CDH10: variants seen among roughly 807,000 people sequenced by gnomAD.
CDH10 encodes cadherin-10.
CDH10 carries 30 observed loss-of-function variants against 73.1 expected under a neutral mutation model. The ratio of observed to expected loss-of-function variants is 0.41; its 90% CI spans 0.31 to 0.56. The LOEUF (loss-of-function observed/expected upper bound fraction) is 0.56, where lower values mean the gene tolerates loss of function less well. Among genes scored for constraint, CDH10 ranks in the 20% least tolerant of loss-of-function variants. CDH10 has a pLI of 0.27. For missense variants in CDH10, 815 were observed against 973.7 expected, an observed-to-expected ratio of 0.84 and a Z score of 2.17; for synonymous variants, 345 against 348.2, an observed-to-expected ratio of 0.99 and a Z score of 0.10.
chr5:24,560,714 G>A (rs1744929194), intron 2 of CDH10, among the ~76,000 whole-genome samples: 1 of 151,994 alleles, frequency 6.6e-6, no homozygotes. Flanking sequence ...TGAAACTCCA[G>A]GGTTCTTTTC....
chr5:24,604,871 T>TCAAAAAAAAAAAAAA (rs1453322652), intron 1 of CDH10, among the ~76,000 whole-genome samples: 5 of 116,342 alleles, frequency 4.3e-5, no homozygotes, highest in African/African-American at 1.8e-4. Flanking sequence ...AAGATGTCTC[T>TCAAAAAAAAAAAAAA]AAAAAAAAAA....
At chr5:24,631,825 T>C (rs968132506) in intron 1 of CDH10, among the ~76,000 whole-genome samples, 1 of 152,086 alleles carries the variant, frequency 6.6e-6, no homozygotes, top group Non-Finnish European at 1.5e-5. Context: ...TAAAATGTTG[T>C]TGACTTGTGA....
chr5:24,598,878 T>C (rs1434310637), intron 1 of CDH10, among the ~76,000 whole-genome samples: 1 of 152,136 alleles, frequency 6.6e-6, no homozygotes, highest in Non-Finnish European at 1.5e-5. Flanking sequence ...CTAACATCTT[T>C]ATGTGATAAT....
chr5:24,582,557 G>A (rs1464456914), intron 2 of CDH10, among the ~76,000 whole-genome samples: 1 of 152,020 alleles, frequency 6.6e-6, no homozygotes, highest in Non-Finnish European at 1.5e-5. Flanking sequence ...CCTGGGGAGA[G>A]GACACATCCA....
chr5:24,632,862 C>T (rs1187475034), intron 1 of CDH10, among the ~76,000 whole-genome samples: 1 of 151,718 alleles, frequency 6.6e-6, no homozygotes, highest in Non-Finnish European at 1.5e-5. Flanking sequence ...TGTCCAACAC[C>T]ACAACTGAAG....
intron 2 of CDH10, among the ~76,000 whole-genome samples, chr5:24,580,567 A>C (rs1745762611): frequency 6.6e-6 from 1 of 152,108 alleles, no homozygotes; most frequent in South Asian, 2.1e-4. Context: ...CCATTAGTTA[A>C]AACTTAGTTA....
chr5:24,624,482 G>A (rs181091385), intron 1 of CDH10, among the ~76,000 whole-genome samples: 138 of 152,212 alleles, frequency 9.1e-4, no homozygotes, highest in African/African-American at 3.3e-3. Flanking sequence ...GTGACACACT[G>A]GGTATGGTGA....
intron 2 of CDH10, among the ~76,000 whole-genome samples, chr5:24,581,749 C>T (rs908604584): frequency 4.6e-5 from 7 of 151,998 alleles, no homozygotes; most frequent in Non-Finnish European, 1.0e-4. Context: ...TCAAAGTAAC[C>T]GAAACTTGAA....
intron 11 of CDH10, among the ~76,000 whole-genome samples, chr5:24,489,109 C>G (rs972223686): frequency 1.3e-5 from 2 of 151,826 alleles, no homozygotes; most frequent in African/African-American, 4.8e-5. Context: ...AAAGTGTGAA[C>G]TCAATTAGAT....
At chr5:24,496,989 C>T (rs1742315440) in intron 9 of CDH10, among the ~76,000 whole-genome samples, 1 of 152,082 alleles carries the variant, frequency 6.6e-6, no homozygotes, top group African/African-American at 2.4e-5. Context: ...ATTAATCATC[C>T]TCTTCCTATC....
intron 2 of CDH10, among the ~76,000 whole-genome samples, chr5:24,579,058 G>A (rs7447903): frequency 6.6e-6 from 1 of 151,556 alleles, no homozygotes; most frequent in Admixed American, 6.6e-5. Flanking sequence ...TAATCACTCA[G>A]GTTAATTTAC....
In CDH10 at chr5:24,598,943, T is replaced by A. The variant is rs142158070; in HGVS notation, c.-123-5330A>T. On this transcript the variant is annotated intron_variant, in intron 1 of 11. Transcript: ENST00000264463. The stretch of plus-strand genomic sequence containing the variant: ...TTGGGGTCAGTGGGTAGATAAAACA[T>A]ATGGCAGGGATAAAGAGGATTGTTG... Among the ~76,000 whole-genome samples the A allele has an allele frequency of 2.0e-5, 3 of 152,236 alleles. No homozygotes were observed. In the East Asian group the frequency reaches 5.8e-4, roughly 29 times the overall value.
In CDH10 at chr5:24,491,714, C is replaced by A. The variant is rs2111639448; in HGVS notation, c.1738G>T (p.Gly580Cys). 1 of 1,613,876 alleles carries A rather than the reference C, an allele frequency of 6.2e-7. No homozygotes were observed. Among genetic ancestry groups the A allele is most frequent in the Non-Finnish European group, 8.5e-7 (1 of 1,179,816 alleles). ...GCACACACTCGAATGGTCAGTGTGC[C>A]TGTGCTGCTCTGAATTGGGTAATCA... ...DNDYPIQSST[G>C]TLTIRVCACD... The change falls in exon 11 of 12, where the codon GGC becomes TGC. Residue 580 changes from glycine (G) to cysteine (C), a missense_variant. Coordinates refer to ENST00000264463, the MANE Select transcript of CDH10 (RefSeq NM_006727.5).
intron 2 of CDH10, among the ~76,000 whole-genome samples, chr5:24,584,019 C>T (rs1334310187): frequency 6.6e-6 from 1 of 152,050 alleles, no homozygotes; most frequent in Non-Finnish European, 1.5e-5. Flanking sequence ...GGTCAGAAGT[C>T]CATTTTTACA....
intron 7 of CDH10, among the ~76,000 whole-genome samples, chr5:24,507,768 GA>G (rs200228635): frequency 6.7e-5 from 10 of 149,294 alleles, no homozygotes; most frequent in Admixed American, 1.3e-4. Context: ...AAAGGAAAAA[GA>G]AAAAAAAACA....
chr5:24,570,862 TG>T (rs1311925954), intron 2 of CDH10, among the ~76,000 whole-genome samples: 1 of 150,706 alleles, frequency 6.6e-6, no homozygotes, highest in Non-Finnish European at 1.5e-5. Context: ...AAATATTTTT[TG>T]TTTTTTCAAA....
chr5:24,627,857 G>T (rs2112186611), intron 1 of CDH10, among the ~76,000 whole-genome samples: 1 of 151,988 alleles, frequency 6.6e-6, no homozygotes. Flanking sequence ...GTACTGCACA[G>T]CACACACGCA....
At chr5:24,579,440 G>A (rs745507069) in intron 2 of CDH10, among the ~76,000 whole-genome samples, 5 of 151,944 alleles carry the variant, frequency 3.3e-5, no homozygotes, top group Admixed American at 6.6e-5. Context: ...ACTGCTGCAC[G>A]TATTTGCTCC....
Position 24,491,577 on chromosome 5 carries a change from C to T in CDH10, c.1875G>A (p.Leu625=), listed in dbSNP as rs184571175. 2.1e-5 allele frequency: 34 copies of T among 1,609,760 alleles called. No homozygotes were observed. In the African/African-American group the frequency reaches 3.1e-4, roughly 15 times the overall value. The change falls in exon 11 of 12, where the codon CTG becomes CTA. Residue 625 remains leucine (L), a splice_region_variant and synonymous_variant. Transcript: ENST00000264463. ...CCCATTGTTTTTAAGGTTTCTTACC[C>T]AGTAGAATGATGATGCAGAGGAGGA... The part of the protein sequence containing the change: ...IAILLCIIIL[L]VIVVLFAALK...
Sources: allele counts gnomAD v4.1 joint callset (sites outside exome capture counted in the v4.1 genomes callset), GRCh38; gene constraint gnomAD v4.1.1; transcripts MANE v1.5; gene names NCBI Gene and HGNC (gene_info 2026-07-23, HGNC 2026-07-21).